Variants in SGCE observed in about 807,000 individuals in gnomAD.
SGCE encodes epsilon-sarcoglycan.
SGCE carries 26 observed loss-of-function variants against 57.8 expected under a neutral mutation model. That is an observed-to-expected ratio of 0.45 (90% CI 0.33 to 0.62). The LOEUF (loss-of-function observed/expected upper bound fraction) is 0.62. Among genes scored for constraint, SGCE ranks in the 20% least tolerant of loss-of-function variants. The probability of loss-of-function intolerance (pLI) is 0.02; values close to 1 mark genes in which losing one functional copy is unlikely to be tolerated. For synonymous variants in SGCE, 183 were observed against 189.5 expected (o/e 0.97, Z 0.28); for missense variants, 468 against 548.6 (o/e 0.85, Z 1.47).
chr7:94,628,383 G>A, intron 2 of SGCE, 24 bp from the exon 3 acceptor site: 3 of 1,564,816 alleles, frequency 1.9e-6, no homozygotes, highest in Non-Finnish European at 1.8e-6. Flanking sequence ...AGAGAATTAA[G>A]ACATAAGACA....
intron 1 of SGCE, among the ~76,000 whole-genome samples, chr7:94,648,242 G>A: frequency 6.6e-6 from 1 of 151,782 alleles, no homozygotes; most frequent in East Asian, 1.9e-4. Flanking sequence ...GGGCCTGGTG[G>A]CGGGTGCCTG....
At chr7:94,643,611 C>G (rs760002359) in intron 1 of SGCE, among the ~76,000 whole-genome samples, 1 of 152,082 alleles carries the variant, frequency 6.6e-6, no homozygotes, top group Non-Finnish European at 1.5e-5. Flanking sequence ...AGGCAAGACA[C>G]GATGCCACGA....
chr7:94,651,825 T>A (rs1041900119), intron 1 of SGCE, among the ~76,000 whole-genome samples: 2 of 152,180 alleles, frequency 1.3e-5, no homozygotes, highest in African/African-American at 2.4e-5. Context: ...AAATAGCATT[T>A]AAGAGCATTG....
intron 5 of SGCE, chr7:94,618,076 C>T (rs1452701529): frequency 1.3e-5 from 2 of 152,204 alleles, no homozygotes; most frequent in Non-Finnish European, 2.9e-5. Flanking sequence ...TTTACCCAGG[C>T]AGGATTCTTT....
chr7:94,623,540 C>A, intron 3 of SGCE, 143 bp from the exon 4 acceptor site: 1 of 627,956 alleles, frequency 1.6e-6, no homozygotes, highest in Non-Finnish European at 2.8e-6. Context: ...CTTCTCTGGG[C>A]AATGAGAACT....
intron 1 of SGCE, among the ~76,000 whole-genome samples, chr7:94,655,507 T>C (rs2117131737): frequency 6.6e-6 from 1 of 152,186 alleles, no homozygotes; most frequent in East Asian, 1.9e-4. Context: ...TTGTGTTCTC[T>C]ACCACTATCA....
chr7:94,588,240 T>G, intron 10 of SGCE: 1 of 1,042,368 alleles, frequency 9.6e-7, no homozygotes, highest in Non-Finnish European at 1.2e-6. Context: ...TAAAGCGGCT[T>G]TAAAACCAGG....
intron 1 of SGCE, among the ~76,000 whole-genome samples, chr7:94,644,881 A>G (rs974044251): frequency 6.6e-6 from 1 of 152,204 alleles, no homozygotes; most frequent in African/African-American, 2.4e-5. Flanking sequence ...TCTCTCTAAA[A>G]AATGTAAGTT....
intron 3 of SGCE, chr7:94,623,823 GT>G: frequency 5.5e-6 from 2 of 364,434 alleles, no homozygotes; most frequent in Non-Finnish European, 9.7e-6. Flanking sequence ...ATATCTTTGT[GT>G]TTTTTTGCAT....
chr7:94,619,954 T>C, intron 4 of SGCE: 1 of 152,146 alleles, frequency 6.6e-6, no homozygotes, highest in East Asian at 1.9e-4. Flanking sequence ...AAATATTAAA[T>C]GTTAGCTCTA....
At chr7:94,586,349 A>T (rs745601660) in intron 10 of SGCE, among the ~76,000 whole-genome samples, 1 of 152,226 alleles carries the variant, frequency 6.6e-6, no homozygotes, top group Non-Finnish European at 1.5e-5. Context: ...AAATATATAA[A>T]CAGCACTAAA....
At chr7:94,594,756 C>A (rs1798158922) in intron 9 of SGCE, among the ~76,000 whole-genome samples, 1 of 151,986 alleles carries the variant, frequency 6.6e-6, no homozygotes, top group African/African-American at 2.4e-5. Context: ...ACAATCATTC[C>A]AAAATAAAAA....
intron 2 of SGCE, 83 bp downstream of exon 2, chr7:94,629,636 T>G (rs1392376859): frequency 4.4e-5 from 54 of 1,214,152 alleles, no homozygotes; most frequent in Non-Finnish European, 6.6e-5. Flanking sequence ...GTTAATGATA[T>G]TTTATCATAT....
At chr7:94,630,650 C>A (rs747458136) in intron 1 of SGCE, among the ~76,000 whole-genome samples, 35 of 151,840 alleles carry the variant, frequency 2.3e-4, no homozygotes, top group Middle Eastern at 6.3e-3. Flanking sequence ...ATTGTTTTTG[C>A]TCTGATAGCA....
At chr7:94,617,715 A>G (rs1802141363) in intron 5 of SGCE, 1 of 152,248 alleles carries the variant, frequency 6.6e-6, no homozygotes, top group Non-Finnish European at 1.5e-5. Context: ...CCATTGCTAT[A>G]AAACAGAAGA....
At chr7:94,620,067 C>A (rs1232419007) in intron 4 of SGCE, 1 of 152,140 alleles carries the variant, frequency 6.6e-6, no homozygotes, top group Non-Finnish European at 1.5e-5. Context: ...GTAGTAATTA[C>A]ACTATGTATA....
At chr7:94,609,983 T>C (rs1800751207) in intron 5 of SGCE, among the ~76,000 whole-genome samples, 2 of 152,150 alleles carry the variant, frequency 1.3e-5, no homozygotes, top group Admixed American at 1.3e-4. Context: ...TGAATGATAA[T>C]TAAACCGTGG....
chr7:94,632,618 G>A (rs929052726), intron 1 of SGCE, among the ~76,000 whole-genome samples: 6 of 152,052 alleles, frequency 3.9e-5, no homozygotes, highest in African/African-American at 9.7e-5. Flanking sequence ...AAATGACTAA[G>A]CCACTATGTT....
In SGCE at chr7:94,599,702, T is replaced by C. The variant is rs1798919180; in HGVS notation, c.1059A>G (p.Thr353=). 1.2e-6 allele frequency: 2 copies of C among 1,609,608 alleles called. No individual in the cohort carries two copies. Among genetic ancestry groups the C allele is most frequent in the East Asian group, 2.2e-5 (1 of 44,800 alleles). ...REGVEKRNMQ[T]PDIQLVHHSA... The stretch of plus-strand genomic sequence containing the variant: ...ACAGGAAAGAAGACACTTACTCTGG[T>C]GTTTGCATGTTTCTCTTTTCCCTAG... The change falls in exon 8 of 11, where the codon ACA becomes ACG. Residue 353 remains threonine (T), a synonymous_variant. Transcript: ENST00000648936.
Sources: allele counts gnomAD v4.1 joint callset (sites outside exome capture counted in the v4.1 genomes callset), GRCh38; gene constraint gnomAD v4.1.1; transcripts MANE v1.5; gene names NCBI Gene and HGNC (gene_info 2026-07-23, HGNC 2026-07-21).